Variants in DLC1 observed in about 807,000 individuals in gnomAD.
The protein encoded by DLC1 is DLC1 Rho GTPase activating protein.
DLC1 carries 54 observed loss-of-function variants against 140.3 expected under a neutral mutation model. The observed-to-expected ratio is 0.38, with a 90% CI of 0.31 to 0.48. The LOEUF (loss-of-function observed/expected upper bound fraction) is 0.48, where lower values mean the gene tolerates loss of function less well. Among genes scored for constraint, DLC1 ranks in the 20% least tolerant of loss-of-function variants. DLC1 has a pLI of 0.96. For synonymous variants in DLC1, 986 were observed against 728.1 expected (o/e 1.35, Z -5.70); for missense variants, 2,536 against 1,907.0 (o/e 1.33, Z -6.14).
Position 13,579,343 on chromosome 8 carries a change from ATAT to A in DLC1, c.-126+25191_-126+25193del, listed in dbSNP as rs1563453925. Among the ~76,000 whole-genome samples, 10 of 28,918 alleles carry A rather than the reference ATAT, an allele frequency of 3.5e-4. 1 individual carries two copies. Among genetic ancestry groups the A allele is most frequent in the Non-Finnish European group, 6.7e-4 (10 of 14,958 alleles). The allele number at this position is 28,918 out of a possible 152,430, so 19.0% of individuals were successfully genotyped here. ...TATATATATATATATATATATATAT[ATAT>A]ATATATATATATATATTTTTATATA... On this transcript the variant is annotated intron_variant, in intron 1 of 1. Transcript: ENST00000631382.
At chr8:13,371,922 G>C (rs1545575) in intron 4 of DLC1, among the ~76,000 whole-genome samples, 151,622 of 152,260 alleles carry the variant, frequency 1, 75,498 homozygotes, top group Middle Eastern at 1. Context: ...CATTTGAAAG[G>C]ATGTTCACTA....
chr8:13,187,510 G>C (rs1826451981), intron 5 of DLC1, among the ~76,000 whole-genome samples: 1 of 152,148 alleles, frequency 6.6e-6, no homozygotes, highest in South Asian at 2.1e-4. Context: ...AACATACTCT[G>C]TGATTCTTTG....
intron 1 of DLC1, among the ~76,000 whole-genome samples, chr8:13,560,384 G>A (rs1273785281): frequency 2.6e-5 from 4 of 152,138 alleles, no homozygotes; most frequent in Non-Finnish European, 4.4e-5. Flanking sequence ...TGGCCAGACA[G>A]GTTTGTGATA....
intron 5 of DLC1, chr8:13,160,172 T>G (rs1824574416): frequency 6.6e-6 from 1 of 152,000 alleles, no homozygotes; most frequent in African/African-American, 2.4e-5. Flanking sequence ...AAAAGGTGAG[T>G]AGGGGGGCTG....
chr8:13,598,622 G>T (rs1021087), intron 1 of DLC1, among the ~76,000 whole-genome samples: 120,110 of 151,980 alleles, frequency 0.79, 47,793 homozygotes, highest in South Asian at 0.89. Flanking sequence ...ATAAGCTGAT[G>T]AACACATTTA....
chr8:13,242,726 A>G (rs937559441), intron 5 of DLC1, among the ~76,000 whole-genome samples: 2 of 152,132 alleles, frequency 1.3e-5, no homozygotes, highest in South Asian at 2.1e-4. Context: ...TTGCCATTGG[A>G]GAAGGCTTAT....
At chr8:13,289,336 G>C (rs1017252273) in intron 5 of DLC1, among the ~76,000 whole-genome samples, 2 of 152,108 alleles carry the variant, frequency 1.3e-5, no homozygotes, top group African/African-American at 2.4e-5. Context: ...GACTACAGGG[G>C]TGTGCCTTTG....
chr8:13,600,558 C>T (rs1347380229), intron 1 of DLC1, among the ~76,000 whole-genome samples: 2 of 151,822 alleles, frequency 1.3e-5, no homozygotes, highest in Non-Finnish European at 2.9e-5. Context: ...ACCCAAATCA[C>T]AATGTGGTAC....
At chr8:13,090,561 G>A (rs1226797440) in intron 14 of DLC1, 91 bp from the exon 15 acceptor site, 1 of 1,459,176 alleles carries the variant, frequency 6.9e-7, no homozygotes, top group East Asian at 2.3e-5. Context: ...AGGAACAATG[G>A]CCTGGTCCTT....
chr8:13,560,461 T>C (rs1320643577), intron 1 of DLC1, among the ~76,000 whole-genome samples: 1 of 152,202 alleles, frequency 6.6e-6, no homozygotes, highest in Non-Finnish European at 1.5e-5. Flanking sequence ...AAGATACTTC[T>C]TAATGAACAG....
rs542802858 is a variant in DLC1 at position 13,276,444 on chromosome 8, GC to G, written c.1348+28824del. 1.9e-4 allele frequency: 272 copies of G among 1,414,370 alleles called. 2 individuals carry two copies. In the African/African-American group the frequency reaches 3.4e-3, roughly 18 times the overall value. The allele number at this position is 1,414,370 out of a possible 1,614,324, so 87.6% of individuals were successfully genotyped here. On this transcript the variant is annotated intron_variant, in intron 5 of 17. Coordinates refer to ENST00000276297, the MANE Select transcript of DLC1 (RefSeq NM_182643.3). ...AGCGCAGCCCGGGCGCCGCGACCAT[GC>G]CTCGGTACTCCGCCCCGCGCTGTGC...
intron 2 of DLC1, among the ~76,000 whole-genome samples, chr8:13,414,850 AC>A (rs1264237771): frequency 3.3e-5 from 5 of 152,026 alleles, no homozygotes; most frequent in Admixed American, 3.3e-4. Flanking sequence ...TTGTTCTGTC[AC>A]CCAGGCTGGA....
chr8:13,090,531 A>T, intron 14 of DLC1, 61 bp from the exon 15 acceptor site: 1 of 1,579,778 alleles, frequency 6.3e-7, no homozygotes, highest in Non-Finnish European at 8.6e-7. Context: ...CTCAATGCCC[A>T]TCAGTGGAAA....
At chr8:13,602,175 C>T (rs765197524) in intron 1 of DLC1, among the ~76,000 whole-genome samples, 27 of 151,604 alleles carry the variant, frequency 1.8e-4, no homozygotes, top group Non-Finnish European at 3.7e-4. Flanking sequence ...TTGCAATCAG[C>T]AAAATCCAGA....
chr8:13,438,229 G>T (rs949239622), intron 2 of DLC1, among the ~76,000 whole-genome samples: 2 of 152,056 alleles, frequency 1.3e-5, no homozygotes, highest in African/African-American at 2.4e-5. Context: ...ACTCTAGCAC[G>T]GGTATATTTA....
At chr8:13,471,880 C>T (rs147889312) in intron 2 of DLC1, among the ~76,000 whole-genome samples, 1 of 152,182 alleles carries the variant, frequency 6.6e-6, no homozygotes, top group African/African-American at 2.4e-5. Flanking sequence ...TCAGCCTGGG[C>T]TCTTCCCCAG....
intron 2 of DLC1, among the ~76,000 whole-genome samples, chr8:13,486,167 C>T (rs567363136): frequency 2.0e-5 from 3 of 152,096 alleles, no homozygotes; most frequent in Non-Finnish European, 4.4e-5. Context: ...ACAGAATAAC[C>T]GAATGAAATG....
At chr8:13,443,354 A>C (rs1476590414) in intron 2 of DLC1, among the ~76,000 whole-genome samples, 3 of 151,496 alleles carry the variant, frequency 2.0e-5, no homozygotes, top group South Asian at 4.2e-4. Flanking sequence ...AAAAAAAAAA[A>C]AAAAAAAAAA....
At chr8:13,582,008 C>T (rs947102844) in intron 1 of DLC1, among the ~76,000 whole-genome samples, 8 of 152,036 alleles carry the variant, frequency 5.3e-5, no homozygotes, top group East Asian at 1.9e-4. Flanking sequence ...AGGATGGATA[C>T]GCAAAGTTCT....
Sources: gnomAD v4.1 joint callset for allele counts (sites outside exome capture counted in the v4.1 genomes callset) on GRCh38, gnomAD v4.1.1 for gene constraint, MANE v1.5 for transcripts, NCBI Gene and HGNC (gene_info 2026-07-23, HGNC 2026-07-21) for gene names.